Variants in SLC25A36 observed in about 807,000 individuals in gnomAD.
The protein encoded by SLC25A36 is solute carrier family 25 member 36, also known as epididymis secretory sperm binding protein.
Under a neutral mutation model 35.3 loss-of-function variants are expected in SLC25A36, and 24 were observed. The ratio of observed to expected loss-of-function variants is 0.68; its 90% CI spans 0.49 to 0.96. The LOEUF is 0.96. SLC25A36 is among the 40% of genes least tolerant of loss of function. The pLI is 0.00. For missense variants in SLC25A36, 294 were observed against 381.1 expected (o/e 0.77, Z 1.90); for synonymous variants, 141 against 132.2 (o/e 1.07, Z -0.46).
Position 140,963,109 on chromosome 3 carries a change from T to A in SLC25A36, c.285-18T>A. ...CATTAAGAACATGCTTATTGATAAATCTAAATCTCTATTTTAGAGCAATAT... is the reference window on the plus strand; with the variant it reads ...CATTAAGAACATGCTTATTGATAAAACTAAATCTCTATTTTAGAGCAATAT... On this transcript the variant is annotated intron_variant, in intron 3 of 6. Transcript: ENST00000324194. 1 of 1,471,926 alleles carries A rather than the reference T, an allele frequency of 6.8e-7. No individual in the cohort carries two copies. Among genetic ancestry groups the A allele is most frequent in the Non-Finnish European group, 9.2e-7 (1 of 1,088,228 alleles). The allele number at this position is 1,471,926 out of a possible 1,614,324, so 91.2% of individuals were successfully genotyped here.
intron 4 of SLC25A36, among the ~76,000 whole-genome samples, chr3:140,969,652 G>A (rs1934851064): frequency 6.6e-6 from 1 of 151,822 alleles, no homozygotes; most frequent in African/African-American, 2.4e-5. Flanking sequence ...AGAACCCTGT[G>A]AGACCAAATT....
At chr3:140,950,257 C>G (rs1576477172) in intron 1 of SLC25A36, among the ~76,000 whole-genome samples, 1 of 151,948 alleles carries the variant, frequency 6.6e-6, no homozygotes, top group Non-Finnish European at 1.5e-5. Flanking sequence ...CGCCCCCACC[C>G]CCCACTGCCC....
chr3:140,965,020 C>A (rs566535134), intron 4 of SLC25A36: 3 of 151,972 alleles, frequency 2.0e-5, no homozygotes, highest in South Asian at 2.1e-4. Context: ...GGTAAACTTA[C>A]AATCTCATAC....
intron 1 of SLC25A36, among the ~76,000 whole-genome samples, chr3:140,949,212 T>C (rs968579973): frequency 2.6e-5 from 4 of 152,206 alleles, no homozygotes; most frequent in African/African-American, 9.7e-5. Flanking sequence ...CCTGGCATGC[T>C]AGAATTTTTA....
At chr3:140,942,169 G>T (rs1335836472) in intron 1 of SLC25A36, 74 bp downstream of exon 1, 1 of 174,098 alleles carries the variant, frequency 5.7e-6, no homozygotes, top group Non-Finnish European at 1.2e-5. Context: ...GGGGGCGAGG[G>T]GGGCCGAGGG....
At chr3:140,958,809 A>C (rs1438940756) in intron 2 of SLC25A36, among the ~76,000 whole-genome samples, 2 of 152,160 alleles carry the variant, frequency 1.3e-5, no homozygotes, top group Admixed American at 6.5e-5. Flanking sequence ...ATCGAAGATA[A>C]GAGTAGCATG....
chr3:140,968,550 A>T (rs952839638), intron 4 of SLC25A36: 44 of 943,468 alleles, frequency 4.7e-5, no homozygotes, highest in Non-Finnish European at 8.8e-6. Context: ...TTGCTTTCTG[A>T]CATTATAGTA....
At chr3:140,950,431 T>C (rs889553613) in intron 1 of SLC25A36, among the ~76,000 whole-genome samples, 3 of 151,996 alleles carry the variant, frequency 2.0e-5, no homozygotes, top group Admixed American at 2.0e-4. Context: ...TCTTGATTGG[T>C]TTTTTTTCAG....
chr3:140,951,146 C>G (rs7638025), intron 1 of SLC25A36, among the ~76,000 whole-genome samples: 25,586 of 152,042 alleles, frequency 0.17, 4,145 homozygotes, highest in African/African-American at 0.43. Flanking sequence ...AGTTGTCTTT[C>G]CCATTTGCCT....
In SLC25A36 at chr3:140,959,451, T is replaced by A; in HGVS notation, c.207-12T>A. 1 of 1,452,272 alleles carries A rather than the reference T, an allele frequency of 6.9e-7. No individual in the cohort carries two copies. Among genetic ancestry groups the A allele is most frequent in the Non-Finnish European group, 9.2e-7 (1 of 1,089,324 alleles). 90.0% of individuals were successfully genotyped at this position (1,452,272 alleles called of 1,614,324 possible). On this transcript the variant is annotated splice_polypyrimidine_tract_variant and intron_variant, in intron 2 of 6. Coordinates refer to ENST00000324194, the MANE Select transcript of SLC25A36 (RefSeq NM_001104647.3). ...AAGATATTTCTGATAGAATTTTTTTTCTCTCTTTCAGGGTGATCTTGGAAA... is the reference window on the plus strand; with the variant it reads ...AAGATATTTCTGATAGAATTTTTTTACTCTCTTTCAGGGTGATCTTGGAAA...
chr3:140,956,636 A>G lies in SLC25A36; in HGVS notation c.151A>G (p.Met51Val), dbSNP rs1364198022. ...TATTTCTGAAGTTCAGCTGAACACC[A>G]TGGCTGGAGCCAGTGTCAACCGAGT... ...LYISEVQLNT[M>V]AGASVNRVVS... is the part of the protein sequence containing the mutation. The change falls in exon 2 of 7, where the codon ATG becomes GTG. Residue 51 changes from methionine to valine, a missense_variant. This residue lies in a region of SLC25A36 where 185 missense variants were observed against 201.5 expected (regional missense o/e 0.92). Transcript: ENST00000324194. 3 of 1,613,820 alleles carry G rather than the reference A, an allele frequency of 1.9e-6. No individual in the cohort carries two copies. Among genetic ancestry groups the G allele is most frequent in the Admixed American group, 3.3e-5 (2 of 59,966 alleles).
intron 3 of SLC25A36, among the ~76,000 whole-genome samples, chr3:140,961,526 G>T (rs545691907): frequency 7.2e-5 from 11 of 152,016 alleles, no homozygotes; most frequent in African/African-American, 2.7e-4. Context: ...CCTAAAATTA[G>T]AATTTCTGGA....
At chr3:140,944,806 A>G (rs1264915601) in intron 1 of SLC25A36, among the ~76,000 whole-genome samples, 1 of 151,806 alleles carries the variant, frequency 6.6e-6, no homozygotes, top group Non-Finnish European at 1.5e-5. Context: ...CATTTGCTCA[A>G]TCATTATTAT....
Position 140,968,267 on chromosome 3 carries a change from G to A in SLC25A36, c.386-2660G>A, listed in dbSNP as rs545708770. On this transcript the variant is annotated intron_variant, in intron 4 of 6. Coordinates refer to ENST00000324194, the MANE Select transcript of SLC25A36 (RefSeq NM_001104647.3). ...AAACTCAAGGACCTGAGTTTTTAGC[G>A]GTAAAGGGCTAATAGCTAAAACTGT... The A allele has an allele frequency of 1.2e-4, 107 of 890,092 alleles. 1 individual carries two copies. The African/African-American group carries it at 1.6e-3, about 13-fold the overall frequency. 55.1% of individuals were successfully genotyped at this position (890,092 alleles called of 1,614,324 possible).
chr3:140,953,634 G>T (rs2107789448), intron 1 of SLC25A36, among the ~76,000 whole-genome samples: 1 of 152,180 alleles, frequency 6.6e-6, no homozygotes, highest in South Asian at 2.1e-4. Context: ...ACTTTTGGCA[G>T]ATGTATAAAG....
rs996591709 is a variant in SLC25A36 at position 140,978,709 on chromosome 3, A to G, written c.*2256A>G. 3.3e-5 allele frequency: 5 copies of G among 152,176 alleles called. No homozygotes were observed. The highest frequency in any genetic ancestry group is 1.2e-4 in the African/African-American group (5 of 41,446). 9.4% of individuals were successfully genotyped at this position (152,176 alleles called of 1,614,324 possible). A position where few individuals can be genotyped will look rare whatever the true frequency, so the allele number is the denominator to read the frequency against. On this transcript the variant is annotated 3_prime_UTR_variant, in exon 7 of 7. Transcript: ENST00000324194. ...GCAAAGAAATCTTAGAGTCTTGGAC[A>G]TTGTTTATTTGTGCAACAACTAGAA...
intron 1 of SLC25A36, among the ~76,000 whole-genome samples, chr3:140,950,984 A>G (rs1191226091): frequency 6.6e-6 from 1 of 151,634 alleles, no homozygotes; most frequent in Admixed American, 6.6e-5. Flanking sequence ...TGTCATACAG[A>G]CTGTGACAGC....
At chr3:140,950,345 A>G (rs888980279) in intron 1 of SLC25A36, among the ~76,000 whole-genome samples, 19 of 148,426 alleles carry the variant, frequency 1.3e-4, no homozygotes, top group Non-Finnish European at 1.6e-4. Flanking sequence ...TTGTTTTCAT[A>G]TGGTCAGCTG....
intron 2 of SLC25A36, among the ~76,000 whole-genome samples, chr3:140,958,075 G>A (rs1277570545): frequency 6.6e-6 from 1 of 152,080 alleles, no homozygotes; most frequent in East Asian, 1.9e-4. Flanking sequence ...GAGTATGAGA[G>A]TAAAGTTATT....
Sources: gnomAD v4.1 joint callset for allele counts (sites outside exome capture counted in the v4.1 genomes callset) on GRCh38, gnomAD v4.1.1 for gene constraint, gnomAD v4.1.1 regional missense constraint, MANE v1.5 for transcripts, NCBI Gene and HGNC (gene_info 2026-07-23, HGNC 2026-07-21) for gene names.